Variants in ATOX1 observed in about 807,000 individuals in gnomAD.
The protein encoded by ATOX1 is copper transport protein ATOX1.
Under a neutral mutation model 7.3 loss-of-function variants are expected in ATOX1, and 4 were observed. The observed-to-expected ratio is 0.55, with a 90% confidence interval of 0.27 to 1.25. The LOEUF is 1.25. Among genes scored for constraint, ATOX1 ranks in the 50% most tolerant of loss-of-function variants. The probability of loss-of-function intolerance (pLI) is 0.12; values close to 1 mark genes in which losing one functional copy is unlikely to be tolerated. For synonymous variants in ATOX1, 25 were observed against 28.7 expected (o/e 0.87, Z 0.41); for missense variants, 68 against 81.6 (o/e 0.83, Z 0.64).
chr5:151,756,367 C>T (rs1188466424), intron 1 of ATOX1, among the ~76,000 whole-genome samples: 1 of 152,102 alleles, frequency 6.6e-6, no homozygotes, highest in Non-Finnish European at 1.5e-5. Flanking sequence ...AATGCTTAAC[C>T]ACTGAGATCT....
intron 1 of ATOX1, 153 bp from the exon 2 acceptor site, chr5:151,751,932 C>T: frequency 1.5e-6 from 1 of 667,230 alleles, no homozygotes; most frequent in South Asian, 1.9e-5. Context: ...GTTTCTGAGC[C>T]CGTCTCTTCA....
intron 2 of ATOX1, among the ~76,000 whole-genome samples, chr5:151,751,222 C>T (rs1761944378): frequency 6.8e-6 from 1 of 146,970 alleles, no homozygotes. Flanking sequence ...CACCATTGCA[C>T]TCCAGGCTGA....
chr5:151,752,933 T>G (rs1761969705), intron 1 of ATOX1, among the ~76,000 whole-genome samples: 1 of 152,144 alleles, frequency 6.6e-6, no homozygotes, highest in East Asian at 1.9e-4. Context: ...CCATTCCACA[T>G]GTCTCGGGTT....
At chr5:151,748,268 T>G (rs1761902461) in intron 2 of ATOX1, among the ~76,000 whole-genome samples, 1 of 152,170 alleles carries the variant, frequency 6.6e-6, no homozygotes, top group Non-Finnish European at 1.5e-5. Context: ...GCCTCACCAT[T>G]GACTTGCTGG....
chr5:151,758,472 G>A (rs923400791), intron 1 of ATOX1, 74 bp downstream of exon 1: 129 of 1,447,600 alleles, frequency 8.9e-5, no homozygotes, highest in Non-Finnish European at 1.1e-4. Flanking sequence ...ATCAGCATCC[G>A]GTCAAGCGGC....
At chr5:151,751,205 G>A (rs1254563594) in intron 2 of ATOX1, among the ~76,000 whole-genome samples, 1 of 146,748 alleles carries the variant, frequency 6.8e-6, no homozygotes, top group Non-Finnish European at 1.5e-5. Context: ...GCAACAAGCC[G>A]AGATTGCACC....
At chr5:151,745,411 A>G (rs1450845716) in intron 3 of ATOX1, 1 of 152,150 alleles carries the variant, frequency 6.6e-6, no homozygotes, top group East Asian at 1.9e-4. Flanking sequence ...AAACCACATC[A>G]GAGGTGTGGC....
chr5:151,749,348 G>C (rs1020611485), intron 2 of ATOX1, among the ~76,000 whole-genome samples: 1 of 151,850 alleles, frequency 6.6e-6, no homozygotes, highest in Non-Finnish European at 1.5e-5. Context: ...AGCCGGGCAT[G>C]GTGGCCTGAG....
chr5:151,749,376 T>C (rs2113179384), intron 2 of ATOX1, among the ~76,000 whole-genome samples: 1 of 151,766 alleles, frequency 6.6e-6, no homozygotes, highest in East Asian at 1.9e-4. Context: ...TCCCAGATAC[T>C]CAGGAGGCTG....
chr5:151,746,237 T>G, intron 3 of ATOX1, 42 bp downstream of exon 3: 14 of 1,551,710 alleles, frequency 9.0e-6, no homozygotes, highest in Non-Finnish European at 1.2e-5. Flanking sequence ...ATGAGAGGTG[T>G]GAGCTGTAGG....
rs548907296 is a variant in ATOX1 at position 151,746,980 on chromosome 5, C to T, written c.83-531G>A. 2.0e-5 allele frequency among the ~76,000 whole-genome samples: 3 copies of T among 152,040 alleles called. No homozygotes were observed. The East Asian group carries it at 5.8e-4, about 29-fold the overall frequency. ...AACTCCTAATCTCAAGTGATCTGCC[C>T]GCCTTGGCCTCCCAAAGTGCTGGGA... On this transcript the variant is annotated intron_variant, in intron 2 of 3. Coordinates refer to ENST00000313115, the MANE Select transcript of ATOX1 (RefSeq NM_004045.4).
rs569868406 is a variant in ATOX1, at chr5:151,746,486, C to T, written c.83-37G>A. 5.0e-6 allele frequency: 8 copies of T among 1,611,610 alleles called. 1 individual carries two copies. In the East Asian group the frequency reaches 6.7e-5, roughly 13 times the overall value. On this transcript the variant is annotated intron_variant, in intron 2 of 3. Coordinates refer to ENST00000313115, the MANE Select transcript of ATOX1 (RefSeq NM_004045.4). ...GGAAATGGGGTATGGGGAGAGGAAG[C>T]ACAGACCCTCCCAGTTACAGCAAGA...
intron 1 of ATOX1, chr5:151,752,559 A>T: frequency 1.9e-6 from 1 of 533,784 alleles, no homozygotes; most frequent in Non-Finnish European, 3.3e-6. Flanking sequence ...GCCTGGACAG[A>T]GTAGGTGCTT....
chr5:151,750,323 C>T (rs1450581564), intron 2 of ATOX1, among the ~76,000 whole-genome samples: 4 of 151,996 alleles, frequency 2.6e-5, no homozygotes, highest in Middle Eastern at 3.2e-3. Flanking sequence ...TTTGGGAGAC[C>T]AAAGCAGGCG....
rs1387564260 is a variant in ATOX1 at position 151,751,850 on chromosome 5, C to T, written c.7-71G>A. Reference sequence around the variant, plus strand: ...CCCCCACACAGTGCCAGCAGACAGGCCCACTCAGGGTCAAGACAGAAGACA... The same window carrying T: ...CCCCCACACAGTGCCAGCAGACAGGTCCACTCAGGGTCAAGACAGAAGACA... On this transcript the variant is annotated intron_variant, in intron 1 of 3. Coordinates refer to ENST00000313115, the MANE Select transcript of ATOX1 (RefSeq NM_004045.4). 3 of 1,469,734 alleles carry T rather than the reference C, an allele frequency of 2.0e-6. No individual in the cohort carries two copies. In the East Asian group the frequency reaches 7.4e-5, roughly 36 times the overall value. The allele number at this position is 1,469,734 out of a possible 1,614,324, so 91.0% of individuals were successfully genotyped here.
intron 3 of ATOX1, chr5:151,743,471 T>G (rs1761845136): frequency 6.6e-6 from 1 of 152,212 alleles, no homozygotes; most frequent in African/African-American, 2.4e-5. Flanking sequence ...TGCCTGAGCA[T>G]GTGGACTAAA....
At chr5:151,748,133 A>C (rs1761900913) in intron 2 of ATOX1, among the ~76,000 whole-genome samples, 1 of 152,236 alleles carries the variant, frequency 6.6e-6, no homozygotes, top group African/African-American at 2.4e-5. Flanking sequence ...TAGACATTGC[A>C]AAATCGCCCT....
At chr5:151,751,641 C>G in intron 2 of ATOX1, 63 bp downstream of exon 2, 1 of 1,525,046 alleles carries the variant, frequency 6.6e-7, no homozygotes, top group East Asian at 2.4e-5. Context: ...TAAGTCTCTC[C>G]TGCAACATCT....
At chr5:151,753,343 C>T (rs1761974454) in intron 1 of ATOX1, among the ~76,000 whole-genome samples, 1 of 152,210 alleles carries the variant, frequency 6.6e-6, no homozygotes, top group African/African-American at 2.4e-5. Flanking sequence ...TTGTTTTATA[C>T]TACAAAGTTT....
Sources: gnomAD v4.1 joint callset for allele counts (sites outside exome capture counted in the v4.1 genomes callset) on GRCh38, gnomAD v4.1.1 for gene constraint, MANE v1.5 for transcripts, NCBI Gene and HGNC (gene_info 2026-07-23, HGNC 2026-07-21) for gene names.